Variants in CFAP54 observed in about 807,000 individuals in gnomAD.
CFAP54 encodes the protein cilia and flagella associated protein 54.
A neutral mutation model predicts 370.4 loss-of-function variants in CFAP54; 290 were observed. That is an observed-to-expected ratio of 0.78 (90% confidence interval 0.71 to 0.86). The LOEUF is 0.86. CFAP54 is among the 40% of genes least tolerant of loss of function. CFAP54 has a pLI of 0.00. For synonymous variants in CFAP54, 1,206 were observed against 1,236.5 expected, an observed-to-expected ratio of 0.98 and a Z score of 0.52; for missense variants, 3,399 against 3,528.7, an observed-to-expected ratio of 0.96 and a Z score of 0.93.
At position 96,743,470 on chromosome 12, in the gene CFAP54, A is replaced by G. The variant is rs1565962078; in HGVS notation, c.7288A>G (p.Thr2430Ala). The G allele has an allele frequency of 6.2e-7, 1 of 1,613,986 alleles. No individual in the cohort carries two copies. The highest frequency in any genetic ancestry group is 8.5e-7 in the Non-Finnish European group (1 of 1,179,976). ...TATGGAGGCAAAAAGCGCAGGGGAC[A>G]CGGAACTGCAGGCTGAATTCTTGAC... is the stretch of plus-strand genomic sequence containing the variant. Reference protein sequence around the residue: ...VCMEAKSAGDTELQAEFLTQA... With the variant: ...VCMEAKSAGDAELQAEFLTQA... The change falls in exon 53 of 68, where the codon ACG (threonine) becomes GCG (alanine). Residue 2430 changes from threonine to alanine, a missense_variant. Transcript: ENST00000524981.
rs1482925420 is a variant in CFAP54, at chr12:96,576,616, CTGAACA to C, written c.2652_2657del (p.Glu885_Gln886del). 6.5e-7 allele frequency: 1 copy of C among 1,533,800 alleles called. No individual in the cohort carries two copies. The highest frequency in any genetic ancestry group is 2.4e-5 in the East Asian group (1 of 40,880). The stretch of plus-strand genomic sequence containing the variant: ...TATTCCTTAATTCAGAGGATTGAAG[CTGAACA>C]AAATGCCCTATATTCCTATCAGAAA... On this transcript the variant is annotated inframe_deletion, in exon 20 of 68. Transcript: ENST00000524981.
At chr12:96,622,981 C>A (rs1449816557) in intron 27 of CFAP54, among the ~76,000 whole-genome samples, 1 of 152,060 alleles carries the variant, frequency 6.6e-6, no homozygotes, top group Non-Finnish European at 1.5e-5. Context: ...TGTCTACTCT[C>A]AGAGTCTATC....
At chr12:96,653,681 CTA>C (rs1444125208) in intron 36 of CFAP54, among the ~76,000 whole-genome samples, 1 of 151,174 alleles carries the variant, frequency 6.6e-6, no homozygotes, top group South Asian at 2.1e-4. Context: ...TATCAATTAT[CTA>C]AATGTTTATA....
intron 63 of CFAP54, among the ~76,000 whole-genome samples, chr12:96,802,435 AC>A (rs949890376): frequency 4.2e-4 from 64 of 152,114 alleles, no homozygotes; most frequent in African/African-American, 1.5e-3. Flanking sequence ...TTAGGACAAC[AC>A]CCACTGCCCT....
At position 96,868,748 on chromosome 12, in the gene CFAP54, T is replaced by G. The variant is rs1020474251; in HGVS notation, c.*15-6370T>G. 3.3e-5 allele frequency among the ~76,000 whole-genome samples: 5 copies of G among 152,202 alleles called. No homozygotes were observed. The South Asian group carries it at 1.0e-3, about 31-fold the overall frequency. Reference sequence around the variant, plus strand: ...AGATGGAGCCAGGAGTTGAGCCCTTTTTTTTCTTTTAATTTTTTTAACGTG... The same window carrying G: ...AGATGGAGCCAGGAGTTGAGCCCTTGTTTTTCTTTTAATTTTTTTAACGTG... On this transcript the variant is annotated intron_variant, in intron 67 of 67. Coordinates refer to ENST00000524981, the MANE Select transcript of CFAP54 (RefSeq NM_001306084.2).
intron 26 of CFAP54, among the ~76,000 whole-genome samples, chr12:96,601,089 G>A (rs1956236576): frequency 1.3e-5 from 2 of 152,074 alleles, no homozygotes; most frequent in Non-Finnish European, 2.9e-5. Context: ...TATTGGCTGT[G>A]GGTTTGTCAT....
At chr12:96,844,361 G>A (rs922734278) in intron 66 of CFAP54, among the ~76,000 whole-genome samples, 3 of 152,150 alleles carry the variant, frequency 2.0e-5, no homozygotes, top group African/African-American at 7.2e-5. Context: ...GAGCCATGAA[G>A]GTGAAGAAAG....
intron 39 of CFAP54, among the ~76,000 whole-genome samples, chr12:96,669,399 C>T (rs1346081851): frequency 1.3e-5 from 2 of 152,124 alleles, no homozygotes; most frequent in African/African-American, 2.4e-5. Flanking sequence ...TTGTCAGCTG[C>T]GTGGGAAACA....
At chr12:96,496,265 A>G (rs1344319286) in intron 1 of CFAP54, among the ~76,000 whole-genome samples, 3 of 152,234 alleles carry the variant, frequency 2.0e-5, no homozygotes, top group Non-Finnish European at 4.4e-5. Flanking sequence ...TAGATGTTCC[A>G]TTATTACTCC....
At chr12:96,832,375 T>C (rs1360893778) in intron 66 of CFAP54, among the ~76,000 whole-genome samples, 1 of 151,888 alleles carries the variant, frequency 6.6e-6, no homozygotes, top group African/African-American at 2.4e-5. Flanking sequence ...CAGGTCTAGG[T>C]TGGAATCTCG....
intron 36 of CFAP54, among the ~76,000 whole-genome samples, chr12:96,652,071 C>T (rs1956865502): frequency 6.6e-6 from 1 of 152,034 alleles, no homozygotes; most frequent in Non-Finnish European, 1.5e-5. Flanking sequence ...CATAAATTTG[C>T]CTTAATACAC....
At chr12:96,624,187 G>T (rs1956528532) in intron 28 of CFAP54, among the ~76,000 whole-genome samples, 1 of 152,136 alleles carries the variant, frequency 6.6e-6, no homozygotes, top group African/African-American at 2.4e-5. Flanking sequence ...TTTGGGCCAG[G>T]TAGTTCTTTG....
At chr12:96,826,887 A>T in intron 65 of CFAP54, among the ~76,000 whole-genome samples, 1 of 123,418 alleles carries the variant, frequency 8.1e-6, no homozygotes, top group South Asian at 2.3e-4. Flanking sequence ...ATTATATAAT[A>T]TTATATGATA....
intron 26 of CFAP54, among the ~76,000 whole-genome samples, chr12:96,616,219 C>G (rs187770678): frequency 3.9e-5 from 6 of 152,052 alleles, no homozygotes; most frequent in Non-Finnish European, 5.9e-5. Context: ...GTGGGGACAT[C>G]GATGAAGCTG....
intron 15 of CFAP54, among the ~76,000 whole-genome samples, chr12:96,549,952 T>C (rs1055655527): frequency 6.6e-6 from 1 of 152,206 alleles, no homozygotes; most frequent in African/African-American, 2.4e-5. Context: ...ATAACTTGCA[T>C]ATATGCATGC....
chr12:96,604,081 T>G (rs898793178), intron 26 of CFAP54, among the ~76,000 whole-genome samples: 4 of 152,210 alleles, frequency 2.6e-5, no homozygotes, highest in Admixed American at 1.3e-4. Flanking sequence ...TTTCTCCCCA[T>G]CTTTGTGGTT....
intron 19 of CFAP54, among the ~76,000 whole-genome samples, chr12:96,565,659 A>G (rs1053549005): frequency 2.6e-5 from 4 of 152,196 alleles, no homozygotes; most frequent in African/African-American, 9.7e-5. Context: ...GCCAAGGCCT[A>G]TAGAGGATGA....
At chr12:96,627,718 A>G (rs185609706) in intron 30 of CFAP54, among the ~76,000 whole-genome samples, 1 of 152,264 alleles carries the variant, frequency 6.6e-6, no homozygotes, top group African/African-American at 2.4e-5. Context: ...TGCTTATATT[A>G]AATGAAACAG....
intron 50 of CFAP54, among the ~76,000 whole-genome samples, chr12:96,739,564 G>C (rs1305511267): frequency 6.6e-6 from 1 of 152,058 alleles, no homozygotes; most frequent in Non-Finnish European, 1.5e-5. Context: ...TGTACATAAA[G>C]TACATATATA....
Sources: gnomAD v4.1 joint callset for allele counts (sites outside exome capture counted in the v4.1 genomes callset) on GRCh38, gnomAD v4.1.1 for gene constraint, MANE v1.5 for transcripts, NCBI Gene and HGNC (gene_info 2026-07-23, HGNC 2026-07-21) for gene names.